ZNF226: variants seen among roughly 807,000 people sequenced by gnomAD.
The protein encoded by ZNF226 is zinc finger protein 226.
ZNF226 carries 6 observed loss-of-function variants against 11.4 expected under a neutral mutation model. The ratio of observed to expected loss-of-function variants is 0.53; its 90% CI spans 0.29 to 1.04. ZNF226 has a LOEUF of 1.04. Ranked by LOEUF, ZNF226 falls within the 50% of genes least tolerant of loss-of-function variation. The probability of loss-of-function intolerance (pLI) is 0.08; values close to 1 mark genes in which losing one functional copy is unlikely to be tolerated. For synonymous variants in ZNF226, 350 were observed against 322.8 expected (o/e 1.08, Z -0.90); for missense variants, 1,058 against 956.5 (o/e 1.11, Z -1.40).
chr19:44,177,264 G>A lies in ZNF226; in HGVS notation c.2002G>A (p.Asp668Asn). The change falls in exon 6 of 6, where the codon GAT becomes AAT. Residue 668 changes from aspartate to asparagine, a missense_variant. By Grantham distance (23) the Asp-to-Asn change is conservative (BLOSUM62 1). Transcript: ENST00000337433. The stretch of plus-strand genomic sequence containing the variant: ...AGCCCATCAAAAAGTCCACACTGGA[G>A]ATAAGCCATACAAATGTGATGAGTG... ...LQAHQKVHTGDKPYKCDECGK... is the reference protein window; with the variant it reads ...LQAHQKVHTGNKPYKCDECGK... The A allele has an allele frequency of 6.2e-7, 1 of 1,614,140 alleles. No homozygotes were observed. The highest frequency in any genetic ancestry group is 8.5e-7 in the Non-Finnish European group (1 of 1,180,036).
At position 44,176,033 on chromosome 19, in the gene ZNF226, TA is replaced by T. The variant is rs749985054; in HGVS notation, c.777del (p.Lys259AsnfsTer72). The T allele has an allele frequency of 1.9e-6, 3 of 1,613,904 alleles. No homozygotes were observed. Among genetic ancestry groups the T allele is most frequent in the Non-Finnish European group, 2.5e-6 (3 of 1,179,880 alleles). ...GQKSYQCNEC[K>X]KPFSDLSSFD... is the part of the protein sequence containing the mutation. ...AGAAATCGTACCAGTGTAATGAGTGTAAAAAACCCTTCAGTGATCTCTCCAG... is the reference window on the plus strand; with the variant it reads ...AGAAATCGTACCAGTGTAATGAGTGTAAAAACCCTTCAGTGATCTCTCCAG... On this transcript the variant is annotated frameshift_variant, in exon 6 of 6. Transcript: ENST00000337433. LOFTEE classifies it low-confidence loss of function (END_TRUNC).
Position 44,170,108 on chromosome 19 carries a change from T to G in ZNF226, c.15+13T>G, listed in dbSNP as rs1199128852. On this transcript the variant is annotated intron_variant, in intron 3 of 5. Transcript: ENST00000337433. ...GAATATGTTCAAGGTGAGTAGAGCTTGCCTTTCCCAGCTGTTAAAAATACC... is the reference window on the plus strand; with the variant it reads ...GAATATGTTCAAGGTGAGTAGAGCTGGCCTTTCCCAGCTGTTAAAAATACC... 1 of 1,611,816 alleles carries G rather than the reference T, an allele frequency of 6.2e-7. No individual in the cohort carries two copies.
chr19:44,194,979 C>A, the ZNF226 span, among the ~76,000 whole-genome samples: 1 of 152,174 alleles, frequency 6.6e-6, no homozygotes, highest in South Asian at 2.1e-4. Flanking sequence ...ATGAAGCGTG[C>A]TCACAAAAAT....
Position 44,175,510 on chromosome 19 carries a change from A to G in ZNF226, c.248A>G (p.Gln83Arg). 1 of 1,584,024 alleles carries G rather than the reference A, an allele frequency of 6.3e-7. No homozygotes were observed. Among genetic ancestry groups the G allele is most frequent in the South Asian group, 1.2e-5 (1 of 85,030 alleles). ...RRQGNLGEKN[Q>R]SKLITVQDRE... ...TTTGTCCTTACAGGAGAGAAAAATC[A>G]AAGTAAGTTAATTACTGTTCAAGAC... The change falls in exon 6 of 6, where the codon CAA becomes CGA. Residue 83 changes from glutamine to arginine, a missense_variant. Physicochemically the swap from Gln to Arg is conservative, Grantham distance 43. Transcript: ENST00000337433.
At chr19:44,172,453 T>A (rs556405579) in intron 4 of ZNF226, 2 of 440,778 alleles carry the variant, frequency 4.5e-6, no homozygotes, top group African/African-American at 4.1e-5. Flanking sequence ...TTTCATGTTT[T>A]ACACCTGTCC....
At chr19:44,184,085 G>A in the ZNF226 span, among the ~76,000 whole-genome samples, 1 of 152,168 alleles carries the variant, frequency 6.6e-6, no homozygotes, top group Non-Finnish European at 1.5e-5. Context: ...GTGTTGAGTA[G>A]TTAGGCCACA....
At position 44,167,270 on chromosome 19, in the gene ZNF226, G is replaced by A. The variant is rs371978942; in HGVS notation, c.-47+1463G>A. ...TTATTGCCATAGTTGTCATCATCTC[G>A]TCATCGTTATTATTCTGATTAATGA... is the stretch of plus-strand genomic sequence containing the variant. On this transcript the variant is annotated intron_variant, in intron 2 of 5. Coordinates refer to ENST00000337433, the MANE Select transcript of ZNF226 (RefSeq NM_001032373.2). 1.5e-4 allele frequency among the ~76,000 whole-genome samples: 23 copies of A among 149,112 alleles called. No homozygotes were observed. In the South Asian group the frequency reaches 2.5e-3, roughly 16 times the overall value.
chr19:44,191,426 T>C, the ZNF226 span, among the ~76,000 whole-genome samples: 2 of 152,182 alleles, frequency 1.3e-5, no homozygotes, highest in South Asian at 4.1e-4. Flanking sequence ...TTAATATACA[T>C]CAATAACATA....
intron 2 of ZNF226, among the ~76,000 whole-genome samples, chr19:44,166,312 C>G (rs899236126): frequency 2.0e-5 from 3 of 152,198 alleles, no homozygotes; most frequent in African/African-American, 7.2e-5. Context: ...ACCAGTCTGG[C>G]CAACATGGCG....
the ZNF226 span, among the ~76,000 whole-genome samples, chr19:44,186,692 T>G: frequency 6.6e-6 from 1 of 152,046 alleles, no homozygotes; most frequent in Non-Finnish European, 1.5e-5. Flanking sequence ...ACTTTCTGAT[T>G]GACCTGGCTA....
At chr19:44,177,777 A>G, downstream of ZNF226, 2 of 1,294,296 alleles carry the variant, frequency 1.5e-6, no homozygotes, top group Non-Finnish European at 2.1e-6. Context: ...AAAGACAACA[A>G]AACAATCTTT....
chr19:44,188,069 A>G, the ZNF226 span, among the ~76,000 whole-genome samples: 1 of 152,148 alleles, frequency 6.6e-6, no homozygotes, highest in Non-Finnish European at 1.5e-5. Context: ...AGAATGTTTC[A>G]TGCACACTTG....
chr19:44,175,848 T>C lies in ZNF226; in HGVS notation c.586T>C (p.Leu196=), dbSNP rs1353300685. The part of the protein sequence containing the change: ...RDQQISIKNK[L]CQCKKGVDPI... ...TCAGCAAATTTCCATAAAAAATAAATTATGTCAATGTAAGAAGGGTGTTGA... is the reference window on the plus strand; with the variant it reads ...TCAGCAAATTTCCATAAAAAATAAACTATGTCAATGTAAGAAGGGTGTTGA... The change falls in exon 6 of 6, where the codon TTA becomes CTA. Residue 196 remains leucine (L), a synonymous_variant. Transcript: ENST00000337433. 5 of 1,613,548 alleles carry C rather than the reference T, an allele frequency of 3.1e-6. No homozygotes were observed. The highest frequency in any genetic ancestry group is 1.3e-5 in the African/African-American group (1 of 74,906).
chr19:44,182,350 C>T (rs539657362), downstream of ZNF226, among the ~76,000 whole-genome samples: 160 of 142,952 alleles, frequency 1.1e-3, 2 homozygotes, highest in African/African-American at 4.5e-3. Context: ...CGCGCGCGCG[C>T]GTGCATACAC....
the ZNF226 span, among the ~76,000 whole-genome samples, chr19:44,185,743 A>G: frequency 6.6e-6 from 1 of 152,032 alleles, no homozygotes; most frequent in African/African-American, 2.4e-5. Flanking sequence ...CTTTTGATGC[A>G]CAGAAGTTTT....
intron 5 of ZNF226, chr19:44,174,461 C>T (rs1970485595): frequency 6.6e-6 from 1 of 152,214 alleles, no homozygotes; most frequent in Non-Finnish European, 1.5e-5. Flanking sequence ...AATGTTTGCA[C>T]AGTTGCATCC....
chr19:44,179,244 A>G (rs569709867), downstream of ZNF226, among the ~76,000 whole-genome samples: 2 of 152,268 alleles, frequency 1.3e-5, no homozygotes, highest in East Asian at 3.9e-4. Flanking sequence ...TCTAATCGTG[A>G]GTCTGTCCTA....
the ZNF226 span, among the ~76,000 whole-genome samples, chr19:44,194,163 T>G: frequency 6.6e-6 from 1 of 152,240 alleles, no homozygotes; most frequent in Admixed American, 6.5e-5. Flanking sequence ...AGTGGTAATC[T>G]TCCTTGTCTG....
rs1970743247 is a variant in ZNF226 at position 44,176,956 on chromosome 19, G to A, written c.1694G>A (p.Gly565Glu). Residue 565 changes from glycine to glutamate, a missense_variant, in exon 6 of 6, where the codon GGG becomes GAG. By Grantham distance (98) the Gly-to-Glu change is moderately conservative. Transcript: ENST00000337433. ...AAACCTTTTAAGTGTGAGGAGTGTGGGCAGGGTTTCAATCAGAGCTCACGA... is the reference window on the plus strand; with the variant it reads ...AAACCTTTTAAGTGTGAGGAGTGTGAGCAGGGTTTCAATCAGAGCTCACGA... ...IEKPFKCEECGQGFNQSSRLQ... is the reference protein window; with the variant it reads ...IEKPFKCEECEQGFNQSSRLQ... The A allele has an allele frequency of 3.7e-6, 6 of 1,613,956 alleles. No homozygotes were observed. The highest frequency in any genetic ancestry group is 5.1e-6 in the Non-Finnish European group (6 of 1,179,886).
Sources: allele counts gnomAD v4.1 joint callset (sites outside exome capture counted in the v4.1 genomes callset), GRCh38; gene constraint gnomAD v4.1.1; transcripts MANE v1.5; gene names NCBI Gene and HGNC (gene_info 2026-07-23, HGNC 2026-07-21).